The following PRH1 variants were observed in gnomAD, a reference collection of about 807,000 sequenced individuals.
PRH1 encodes the protein salivary acidic proline-rich phosphoprotein 1/2.
In PRH1, 7 loss-of-function variants were observed where a neutral mutation model predicts 7.9. The observed-to-expected ratio is 0.89, with a 90% CI of 0.50 to 1.67. The LOEUF (loss-of-function observed/expected upper bound fraction) is 1.67, where lower values mean the gene tolerates loss of function less well. PRH1 is among the 40% of genes most tolerant of loss of function. The pLI is 0.00. For missense variants in PRH1, 109 were observed against 223.6 expected (o/e 0.49, Z 3.27); for synonymous variants, 45 against 80.8 (o/e 0.56, Z 2.38).
chr12:11,170,315 G>T (rs7969625), intron 1 of PRH1, among the ~76,000 whole-genome samples: 2 of 152,000 alleles, frequency 1.3e-5, no homozygotes, highest in African/African-American at 2.4e-5. Context: ...GGGAGGCTGA[G>T]GCGGGCAGAT....
intron 1 of PRH1, among the ~76,000 whole-genome samples, chr12:11,156,577 A>G (rs142073278): frequency 1.1e-4 from 16 of 152,186 alleles, no homozygotes; most frequent in Middle Eastern, 3.4e-3. Context: ...TTATCTTCCA[A>G]TTCACTAATT....
intron 1 of PRH1, among the ~76,000 whole-genome samples, chr12:11,170,729 T>C (rs1205250599): frequency 6.6e-6 from 1 of 152,262 alleles, no homozygotes; most frequent in East Asian, 1.9e-4. Flanking sequence ...CTTATGTATA[T>C]ACGCGTGTGT....
intron 2 of PRH1, among the ~76,000 whole-genome samples, chr12:10,920,379 A>G (rs971311317): frequency 8.5e-5 from 13 of 152,172 alleles, no homozygotes; most frequent in Non-Finnish European, 4.4e-5. Context: ...AGCATAATCA[A>G]TGTCTTTGAA....
chr12:10,904,555 G>A (rs1337749490), intron 2 of PRH1, among the ~76,000 whole-genome samples: 2 of 152,010 alleles, frequency 1.3e-5, no homozygotes, highest in East Asian at 3.9e-4. Context: ...TTAAATGTAA[G>A]ACTTTATACT....
intron 2 of PRH1, chr12:10,938,230 G>A (rs1950321895): frequency 6.9e-7 from 1 of 1,447,462 alleles, no homozygotes; most frequent in African/African-American, 1.4e-5. Context: ...GAATTTCTTA[G>A]GAGCTATTTT....
intron 1 of PRH1, chr12:11,062,048 T>TA: frequency 6.2e-7 from 1 of 1,613,768 alleles, no homozygotes; most frequent in Non-Finnish European, 8.5e-7. Flanking sequence ...TTGTAAGCAG[T>TA]AATTCTTACT....
intron 1 of PRH1, among the ~76,000 whole-genome samples, chr12:11,159,873 A>G (rs181235231): frequency 1.3e-5 from 2 of 152,318 alleles, no homozygotes; most frequent in East Asian, 1.9e-4. Flanking sequence ...TTCTATTTAT[A>G]TTGTAACTCC....
In PRH1 at chr12:11,094,057, T is replaced by C. The variant is rs1945013251; in HGVS notation, n.124-46869A>G. On this transcript the variant is annotated intron_variant and non_coding_transcript_variant, in intron 1 of 4. Coordinates refer to the PRH1 transcript ENST00000541977. ...TTAGAAAAATAAAATCCAGGTCCAG[T>C]GCAGGCAAGGCTGAGGAAGGCAGAT... Among the ~76,000 whole-genome samples the C allele has an allele frequency of 1.8e-5, 2 of 112,254 alleles. 1 individual carries two copies. Among genetic ancestry groups the C allele is most frequent in the Non-Finnish European group, 4.2e-5 (2 of 47,954 alleles). The allele number at this position is 112,254 out of a possible 152,430, so 73.6% of individuals were successfully genotyped here.
chr12:10,952,061 C>A (rs1358339945), intron 2 of PRH1, among the ~76,000 whole-genome samples: 1 of 152,238 alleles, frequency 6.6e-6, no homozygotes, highest in East Asian at 1.9e-4. Context: ...TTTGGATAGT[C>A]TTTATGAAGA....
rs1473396699 is a variant in PRH1, at chr12:10,882,278, C to T, written c.521G>A (p.Gly174Glu). Residue 174 changes from glycine to glutamate, a missense_variant, in exon 3 of 4, where the codon GGG (glycine) becomes GAG (glutamate). Physicochemically the swap from Gly to Glu is moderately conservative, Grantham distance 98. Coordinates refer to ENST00000543626, the MANE Select transcript of PRH1 (RefSeq NM_001393989.1). ...CTGTGGAGGTCCTTGTGGGCGGCCC[C>T]CTTGGGGAGGTGGTCCCTGGGGCTT... ...PGKPQGPPPQGGRPQGPPQGQ... is the reference protein window; with the variant it reads ...PGKPQGPPPQEGRPQGPPQGQ... 9 of 1,612,770 alleles carry T rather than the reference C, an allele frequency of 5.6e-6. No homozygotes were observed. In the African/African-American group the frequency reaches 6.7e-5, roughly 12 times the overall value.
intron 2 of PRH1, chr12:10,929,378 G>C: frequency 6.2e-7 from 1 of 1,612,268 alleles, no homozygotes; most frequent in East Asian, 2.2e-5. Context: ...TCTGATTGGG[G>C]TTTACGGGCG....
chr12:11,145,339 C>T (rs2136405937), intron 1 of PRH1, among the ~76,000 whole-genome samples: 1 of 152,198 alleles, frequency 6.6e-6, no homozygotes, highest in South Asian at 2.1e-4. Context: ...ATTACAGATA[C>T]ATAACACCAT....
At chr12:10,997,751 G>T in intron 1 of PRH1, 1 of 1,613,906 alleles carries the variant, frequency 6.2e-7, no homozygotes, top group Non-Finnish European at 8.5e-7. Context: ...ATCAGCTGAG[G>T]AGATCTTTTG....
intron 1 of PRH1, among the ~76,000 whole-genome samples, chr12:11,098,765 A>G (rs1207947819): frequency 6.6e-6 from 1 of 152,214 alleles, no homozygotes; most frequent in African/African-American, 2.4e-5. Context: ...ACTCCATAAG[A>G]TTTGGTTGCT....
At chr12:10,885,192 C>G (rs1313151061), upstream of PRH1, among the ~76,000 whole-genome samples, 1 of 152,124 alleles carries the variant, frequency 6.6e-6, no homozygotes, top group Non-Finnish European at 1.5e-5. Flanking sequence ...TTTGTAATAC[C>G]TGTCCAAGCC....
At chr12:11,158,782 A>C (rs1947330438) in intron 1 of PRH1, 1 of 152,196 alleles carries the variant, frequency 6.6e-6, no homozygotes, top group South Asian at 2.1e-4. Context: ...TTGTCTATGA[A>C]GTTAAAGGTT....
chr12:10,885,100 T>C (rs1160597058), upstream of PRH1, among the ~76,000 whole-genome samples: 2 of 152,196 alleles, frequency 1.3e-5, no homozygotes, highest in Non-Finnish European at 2.9e-5. Flanking sequence ...GAATTCATCC[T>C]CTACTTTATT....
At chr12:11,153,771 C>G (rs1016576800) in intron 1 of PRH1, among the ~76,000 whole-genome samples, 1 of 152,008 alleles carries the variant, frequency 6.6e-6, no homozygotes, top group Admixed American at 6.6e-5. Context: ...AAATTCAGAC[C>G]AAAAGACTTG....
chr12:10,900,470 C>T (rs527539309), intron 2 of PRH1, among the ~76,000 whole-genome samples: 26 of 152,308 alleles, frequency 1.7e-4, no homozygotes, highest in African/African-American at 6.3e-4. Context: ...GATATTGGAG[C>T]ACCTGCTTTA....
Sources: gnomAD v4.1 joint callset for allele counts (sites outside exome capture counted in the v4.1 genomes callset) on GRCh38, gnomAD v4.1.1 for gene constraint, MANE v1.5 for transcripts, NCBI Gene and HGNC (gene_info 2026-07-23, HGNC 2026-07-21) for gene names.